Variants in KCNMB2 observed in about 807,000 individuals in gnomAD.
KCNMB2 encodes calcium-activated potassium channel subunit beta-2.
In KCNMB2, 9 loss-of-function variants were observed where a neutral mutation model predicts 24.5. The observed-to-expected ratio is 0.37, with a 90% CI of 0.22 to 0.64. The LOEUF is 0.64. KCNMB2 is among the 30% of genes least tolerant of loss of function. The pLI is 0.63. For missense variants in KCNMB2, 226 were observed against 284.3 expected, an observed-to-expected ratio of 0.79 and a Z score of 1.47; for synonymous variants, 109 against 104.4, an observed-to-expected ratio of 1.04 and a Z score of -0.27.
intron 2 of KCNMB2, among the ~76,000 whole-genome samples, chr3:178,814,283 A>G (rs555682585): frequency 2.0e-5 from 3 of 152,270 alleles, no homozygotes; most frequent in African/African-American, 7.2e-5. Flanking sequence ...TAATTCACTT[A>G]GGGTAACAGC....
intron 4 of KCNMB2, among the ~76,000 whole-genome samples, chr3:178,837,816 T>A (rs1715287600): frequency 6.6e-6 from 1 of 152,132 alleles, no homozygotes; most frequent in Admixed American, 6.5e-5. Context: ...TGGTAGTTTA[T>A]ATGAAGAATC....
rs111936201 is a variant in KCNMB2 at position 178,555,795 on chromosome 3, T to C, written c.-68+19084T>C. Among the ~76,000 whole-genome samples, 609 of 152,324 alleles carry C rather than the reference T, an allele frequency of 4.0e-3. 6 individuals are homozygous for C. The highest frequency in any genetic ancestry group is 7.5e-3 in the African/African-American group (310 of 41,586). ...GGTCTAACCTAAGTGGTGGAGACTA[T>C]ACATATGGTGCTATATTAGAAAGTA... On this transcript the variant is annotated intron_variant, in intron 1 of 4. Coordinates refer to ENST00000452583, the MANE Select transcript of KCNMB2 (RefSeq NM_181361.3).
intron 1 of KCNMB2, among the ~76,000 whole-genome samples, chr3:178,624,781 G>A (rs978190824): frequency 2.0e-5 from 3 of 151,916 alleles, no homozygotes; most frequent in African/African-American, 4.8e-5. Flanking sequence ...GGCACTTCAC[G>A]TGGACAGGGC....
At chr3:178,754,147 A>G (rs1307626409) in intron 1 of KCNMB2, among the ~76,000 whole-genome samples, 2 of 92,792 alleles carry the variant, frequency 2.2e-5, no homozygotes, top group Non-Finnish European at 4.1e-5. Flanking sequence ...ATAATATTCC[A>G]TTGTATATAT....
chr3:178,671,052 A>T lies in KCNMB2; in HGVS notation c.-68+134341A>T, dbSNP rs372491326. Among the ~76,000 whole-genome samples, 38 of 152,230 alleles carry T rather than the reference A, an allele frequency of 2.5e-4. 1 individual carries two copies. The South Asian group carries it at 7.7e-3, about 31-fold the overall frequency. On this transcript the variant is annotated intron_variant, in intron 1 of 4. Transcript: ENST00000452583. Reference sequence around the variant, plus strand: ...CAGATTCAATCTGATTCCTTCATTAAAAGATTAACTCTTGAAAGTCAAACA... The same window carrying T: ...CAGATTCAATCTGATTCCTTCATTATAAGATTAACTCTTGAAAGTCAAACA...
chr3:178,578,862 AG>A (rs1437610167), intron 1 of KCNMB2, among the ~76,000 whole-genome samples: 1 of 152,204 alleles, frequency 6.6e-6, no homozygotes. Context: ...AGGAGCAAAC[AG>A]ATTCATAAAG....
intron 1 of KCNMB2, among the ~76,000 whole-genome samples, chr3:178,736,285 T>C (rs1200277162): frequency 6.6e-6 from 1 of 152,232 alleles, no homozygotes; most frequent in Admixed American, 6.5e-5. Context: ...ACTTAAAAGA[T>C]AACCCATCTA....
chr3:178,825,438 G>T (rs1714795636), intron 2 of KCNMB2, 150 bp from the exon 3 acceptor site: 2 of 591,974 alleles, frequency 3.4e-6, no homozygotes, highest in Non-Finnish European at 6.0e-6. Context: ...GTGTGTGCTT[G>T]TGTGGGAGGT....
At chr3:178,757,174 A>G (rs1199964405) in intron 1 of KCNMB2, 1 of 141,876 alleles carries the variant, frequency 7.0e-6, no homozygotes, top group Non-Finnish European at 1.6e-5. Context: ...GATAGGTTCA[A>G]GAAGTAAAAC....
intron 1 of KCNMB2, among the ~76,000 whole-genome samples, chr3:178,590,292 C>A (rs1025940044): frequency 5.3e-5 from 8 of 152,058 alleles, no homozygotes; most frequent in African/African-American, 1.9e-4. Flanking sequence ...TTTATCTGTA[C>A]ATTTTTTATC....
intron 1 of KCNMB2, among the ~76,000 whole-genome samples, chr3:178,554,622 C>T (rs960199755): frequency 5.9e-5 from 9 of 151,940 alleles, no homozygotes; most frequent in African/African-American, 2.2e-4. Context: ...TTCTCAGGCC[C>T]CTTTCAGAAA....
chr3:178,658,097 T>C (rs545534895), intron 1 of KCNMB2, among the ~76,000 whole-genome samples: 1 of 152,322 alleles, frequency 6.6e-6, no homozygotes, highest in African/African-American at 2.4e-5. Context: ...TGTCTTGGTA[T>C]TGGCACTTTA....
In KCNMB2 at chr3:178,640,028, C is replaced by A. The variant is rs566388003; in HGVS notation, c.-68+103317C>A. Among the ~76,000 whole-genome samples, 3 of 150,192 alleles carry A rather than the reference C, an allele frequency of 2.0e-5. No homozygotes were observed. In the East Asian group the frequency reaches 5.9e-4, roughly 29 times the overall value. ...TACAATGTCTGACACAGAACACATG[C>A]CAATAAATATCAATGTTTTCCCTTG... is the stretch of plus-strand genomic sequence containing the variant. On this transcript the variant is annotated intron_variant, in intron 1 of 4. Transcript: ENST00000452583.
At chr3:178,722,444 G>A (rs1722837685) in intron 1 of KCNMB2, among the ~76,000 whole-genome samples, 1 of 152,184 alleles carries the variant, frequency 6.6e-6, no homozygotes, top group African/African-American at 2.4e-5. Flanking sequence ...ATCCCATGGT[G>A]GAAGGCAAGA....
At chr3:178,793,518 G>GGGC (rs200587860) in intron 1 of KCNMB2, among the ~76,000 whole-genome samples, 4 of 151,986 alleles carry the variant, frequency 2.6e-5, no homozygotes, top group Admixed American at 6.6e-5. Flanking sequence ...TCACCCTGGG[G>GGGC]GGGTGGGCAA....
At chr3:178,673,604 T>G (rs1720977469) in intron 1 of KCNMB2, among the ~76,000 whole-genome samples, 2 of 152,102 alleles carry the variant, frequency 1.3e-5, no homozygotes, top group African/African-American at 4.8e-5. Flanking sequence ...CCCTTCACTT[T>G]GCACTGGAGC....
chr3:178,838,002 T>C (rs1032666793), intron 4 of KCNMB2, among the ~76,000 whole-genome samples: 10 of 152,214 alleles, frequency 6.6e-5, no homozygotes, highest in African/African-American at 2.4e-4. Context: ...CTGAAATTGC[T>C]ACTATAAACT....
chr3:178,833,471 C>A (rs562210800), intron 4 of KCNMB2, among the ~76,000 whole-genome samples: 1 of 152,280 alleles, frequency 6.6e-6, no homozygotes, highest in African/African-American at 2.4e-5. Flanking sequence ...ACAATTATCT[C>A]CATGTCAAAA....
intron 1 of KCNMB2, among the ~76,000 whole-genome samples, chr3:178,679,120 T>C (rs1721179253): frequency 1.3e-5 from 2 of 152,146 alleles, no homozygotes; most frequent in South Asian, 4.1e-4. Flanking sequence ...TAGTTACATA[T>C]GTATATTTAT....
Sources: allele counts gnomAD v4.1 joint callset (sites outside exome capture counted in the v4.1 genomes callset), GRCh38; gene constraint gnomAD v4.1.1; transcripts MANE v1.5; gene names NCBI Gene and HGNC (gene_info 2026-07-23, HGNC 2026-07-21).